RTTN: variants seen among roughly 807,000 people sequenced by gnomAD.
RTTN encodes the protein rotatin.
Under a neutral mutation model 269.2 loss-of-function variants are expected in RTTN, and 182 were observed. The ratio of observed to expected loss-of-function variants is 0.68; its 90% CI spans 0.60 to 0.76. The LOEUF (loss-of-function observed/expected upper bound fraction) is 0.76, where lower values mean the gene tolerates loss of function less well. Among genes scored for constraint, RTTN ranks in the 30% least tolerant of loss-of-function variants. RTTN has a pLI of 0.00. For synonymous variants in RTTN, 1,006 were observed against 963.5 expected (o/e 1.04, Z -0.82); for missense variants, 2,545 against 2,608.6 (o/e 0.98, Z 0.53).
At position 70,204,094 on chromosome 18, in the gene RTTN, T is replaced by C; in HGVS notation, c.389A>G (p.Asn130Ser). ...AGATTCCAAAGAGTTACCAGTTTGA[T>C]TGGTTTGGTATGAGGCAGAAGATAG... ...PALSSASYQT[N>S]QTELSKNPEI... Residue 130 changes from asparagine (N) to serine (S), a missense_variant, in exon 3 of 49, where the codon AAT (asparagine) becomes AGT (serine). Asn to Ser is a conservative substitution (Grantham distance 46). Transcript: ENST00000640769. The C allele has an allele frequency of 6.2e-7, 1 of 1,602,670 alleles. No homozygotes were observed. The highest frequency in any genetic ancestry group is 8.5e-7 in the Non-Finnish European group (1 of 1,173,428).
chr18:70,173,645 AGTGT>A (rs975003802), intron 11 of RTTN, among the ~76,000 whole-genome samples: 9 of 152,206 alleles, frequency 5.9e-5, no homozygotes, highest in African/African-American at 2.2e-4. Flanking sequence ...CCTGCATTTT[AGTGT>A]GTCACTCCTT....
Position 70,145,617 on chromosome 18 carries a change from T to C in RTTN, c.2476A>G (p.Ile826Val). The C allele has an allele frequency of 1.3e-6, 2 of 1,593,008 alleles. No individual in the cohort carries two copies. The highest frequency in any genetic ancestry group is 1.7e-6 in the Non-Finnish European group (2 of 1,173,132). Residue 826 changes from isoleucine (I) to valine (V), a missense_variant, in exon 18 of 49, where the codon ATT (isoleucine) becomes GTT (valine). Coordinates refer to ENST00000640769, the MANE Select transcript of RTTN (RefSeq NM_173630.4). ...AACTCAAAATTTATAGTCACCTTAA[T>C]AACCAGCTCTCTTCTGTCATCCAGT... ...LRLDDRRELV[I>V]KLETVEKVYE...
intron 27 of RTTN, among the ~76,000 whole-genome samples, chr18:70,112,912 TG>T (rs2059510066): frequency 1.3e-5 from 2 of 152,164 alleles, no homozygotes; most frequent in South Asian, 4.1e-4. Flanking sequence ...ACCACATAAT[TG>T]GAAGTAAAAC....
chr18:70,100,122 C>G (rs1427442912), intron 28 of RTTN, among the ~76,000 whole-genome samples: 1 of 152,202 alleles, frequency 6.6e-6, no homozygotes, highest in Admixed American at 6.5e-5. Context: ...TGAAGAAAGT[C>G]ATTGGTAGCT....
chr18:70,071,910 G>C (rs1203491682), intron 34 of RTTN, among the ~76,000 whole-genome samples: 1 of 152,084 alleles, frequency 6.6e-6, no homozygotes, highest in African/African-American at 2.4e-5. Context: ...TCAATTCTGA[G>C]ATAAACAAAA....
At chr18:70,090,915 A>G (rs1371072418) in intron 30 of RTTN, among the ~76,000 whole-genome samples, 1 of 152,166 alleles carries the variant, frequency 6.6e-6, no homozygotes, top group Non-Finnish European at 1.5e-5. Context: ...GAGCATTAAC[A>G]TCTAATGAAA....
intron 35 of RTTN, chr18:70,061,502 A>G (rs1335004792): frequency 6.8e-6 from 3 of 442,730 alleles, no homozygotes; most frequent in African/African-American, 4.0e-5. Context: ...GTGTGTGTAT[A>G]TACGTATGCA....
At chr18:70,186,240 C>A (rs2061544210) in intron 10 of RTTN, among the ~76,000 whole-genome samples, 1 of 152,158 alleles carries the variant, frequency 6.6e-6, no homozygotes, top group Non-Finnish European at 1.5e-5. Context: ...TAATACTACT[C>A]AGAAATAAAA....
intron 40 of RTTN, among the ~76,000 whole-genome samples, chr18:70,045,990 GAAT>G (rs1164331125): frequency 1.3e-5 from 2 of 151,906 alleles, no homozygotes; most frequent in Admixed American, 6.6e-5. Flanking sequence ...CTTTTATAAT[GAAT>G]AATATTACAA....
At chr18:70,180,402 C>T (rs2061396798) in intron 10 of RTTN, among the ~76,000 whole-genome samples, 1 of 152,050 alleles carries the variant, frequency 6.6e-6, no homozygotes, top group African/African-American at 2.4e-5. Context: ...GCCAATCTGG[C>T]AAAACCCAGT....
chr18:70,010,028 T>C (rs1031898466), intron 46 of RTTN, among the ~76,000 whole-genome samples: 2 of 152,016 alleles, frequency 1.3e-5, no homozygotes, highest in Admixed American at 6.6e-5. Flanking sequence ...ATGCAACAAA[T>C]AGAACTAACT....
intron 40 of RTTN, among the ~76,000 whole-genome samples, chr18:70,041,741 G>C (rs1361318640): frequency 6.6e-6 from 1 of 152,116 alleles, no homozygotes; most frequent in African/African-American, 2.4e-5. Flanking sequence ...AAATTTGTGG[G>C]CAAGGGTATT....
At chr18:70,045,115 CACTT>C (rs1477052327) in intron 40 of RTTN, among the ~76,000 whole-genome samples, 1 of 152,128 alleles carries the variant, frequency 6.6e-6, no homozygotes, top group East Asian at 1.9e-4. Context: ...TAGAAAAAAA[CACTT>C]ACACATGACT....
At chr18:70,035,766 A>G (rs930166505) in intron 40 of RTTN, among the ~76,000 whole-genome samples, 3 of 152,228 alleles carry the variant, frequency 2.0e-5, no homozygotes, top group African/African-American at 7.2e-5. Flanking sequence ...AACAGAGTAA[A>G]CAGACAACCT....
At chr18:70,062,008 T>C (rs1196007476) in intron 35 of RTTN, among the ~76,000 whole-genome samples, 2 of 152,232 alleles carry the variant, frequency 1.3e-5, no homozygotes, top group African/African-American at 2.4e-5. Context: ...CCTTGCCTTA[T>C]GAACACAATA....
At chr18:70,018,952 G>A (rs1170284686) in intron 45 of RTTN, among the ~76,000 whole-genome samples, 3 of 150,348 alleles carry the variant, frequency 2.0e-5, no homozygotes, top group East Asian at 1.9e-4. Flanking sequence ...AGGATATTTC[G>A]GAGCCTGAGT....
chr18:70,037,381 A>G (rs2057207237), intron 40 of RTTN, among the ~76,000 whole-genome samples: 1 of 152,156 alleles, frequency 6.6e-6, no homozygotes, highest in Non-Finnish European at 1.5e-5. Flanking sequence ...CTTCTACTTG[A>G]GGAAGAGAGT....
At chr18:70,192,805 A>G (rs1039886911) in intron 8 of RTTN, among the ~76,000 whole-genome samples, 9 of 152,180 alleles carry the variant, frequency 5.9e-5, no homozygotes, top group African/African-American at 2.2e-4. Flanking sequence ...TCCATTTGTT[A>G]TAAGACTTAC....
intron 16 of RTTN, 88 bp downstream of exon 16, chr18:70,149,883 T>A: frequency 1.1e-6 from 1 of 920,858 alleles, no homozygotes; most frequent in Non-Finnish European, 1.8e-6. Flanking sequence ...CTCTCACAAC[T>A]TGACAGTTTA....
Sources: gnomAD v4.1 joint callset for allele counts (sites outside exome capture counted in the v4.1 genomes callset) on GRCh38, gnomAD v4.1.1 for gene constraint, MANE v1.5 for transcripts, NCBI Gene and HGNC (gene_info 2026-07-23, HGNC 2026-07-21) for gene names.